Variants in CCAR2 observed in about 807,000 individuals in gnomAD.
CCAR2 encodes cell cycle and apoptosis regulator 2, also known as cell cycle and apoptosis regulator protein 2.
A neutral mutation model predicts 108.1 loss-of-function variants in CCAR2; 21 were observed. The observed-to-expected ratio is 0.19, with a 90% CI of 0.14 to 0.28. CCAR2 has a LOEUF of 0.28. CCAR2 is among the 10% of genes least tolerant of loss of function. The pLI, the probability that CCAR2 is intolerant of heterozygous loss-of-function variation, is 1.00. For missense variants in CCAR2, 1,126 were observed against 1,177.0 expected (o/e 0.96, Z 0.63); for synonymous variants, 577 against 472.8 (o/e 1.22, Z -2.86).
chr8:22,619,266 C>G lies in CCAR2; in HGVS notation c.2638C>G (p.Arg880Gly), dbSNP rs771565165. ...EAEETARTAE[R>G]QKSQLQRLLQ... ...CGAGGAGACCGCCCGGACGGCGGAG[C>G]GACAGAAGAGCCAGCTCCAGCGGCT... is the stretch of plus-strand genomic sequence containing the variant. The change falls in exon 20 of 21, where the codon CGA becomes GGA. Residue 880 changes from arginine to glycine, a missense_variant. Around this residue, in one of 4 missense-constraint regions of CCAR2, gnomAD observed 1,013 missense variants for 993.9 expected, o/e 1.02. Coordinates refer to ENST00000308511, the MANE Select transcript of CCAR2 (RefSeq NM_001393997.1). 6.4e-7 allele frequency: 1 copy of G among 1,564,794 alleles called. No homozygotes were observed. Among genetic ancestry groups the G allele is most frequent in the Non-Finnish European group, 8.7e-7 (1 of 1,155,428 alleles).
Position 22,614,098 on chromosome 8 carries a change from C to T in CCAR2, c.711C>T (p.Ile237=), listed in dbSNP as rs116637032. The T allele has an allele frequency of 8.7e-5, 140 of 1,613,686 alleles. No homozygotes were observed. The African/African-American group carries it at 1.7e-3, about 19-fold the overall frequency. Reference sequence around the variant, plus strand: ...CCTTGCTGTCTTCCTGTAGCCCCATCTGTGACTTCCTAGAACTCCAGCGCC... The same window carrying T: ...CCTTGCTGTCTTCCTGTAGCCCCATTTGTGACTTCCTAGAACTCCAGCGCC... ...HLTPYTVDSP[I]CDFLELQRRY... The change falls in exon 9 of 21, where the codon ATC becomes ATT. Residue 237 remains isoleucine (I), a synonymous_variant. Transcript: ENST00000308511.
Position 22,620,399 on chromosome 8 carries a change from T to G in CCAR2, c.*717T>G, listed in dbSNP as rs1476739699. ...CCATAATCCGTGGTTTCAGTTTGAC[T>G]TTGTATATAAAGTTGGGGTTTTTTT... On this transcript the variant is annotated 3_prime_UTR_variant, in exon 21 of 21. Transcript: ENST00000308511. The G allele has an allele frequency of 6.6e-6, 1 of 151,930 alleles. No homozygotes were observed. Among genetic ancestry groups the G allele is most frequent in the African/African-American group, 2.4e-5 (1 of 41,030 alleles). The allele number at this position is 151,930 out of a possible 1,614,324, so 9.4% of individuals were successfully genotyped here.
At chr8:22,612,816 GCTTAACAGGAATGTTTAT>G in intron 7 of CCAR2, 183 bp from the exon 8 acceptor site, 1 of 563,268 alleles carries the variant, frequency 1.8e-6, no homozygotes, top group Non-Finnish European at 2.9e-6. Flanking sequence ...TGTGCTTTTT[GCTTAACAGGAATGTTTAT>G]TAAAACAGTA....
intron 17 of CCAR2, 32 bp from the exon 18 acceptor site, chr8:22,618,585 G>A (rs772908631): frequency 6.2e-7 from 1 of 1,613,876 alleles, no homozygotes; most frequent in Non-Finnish European, 8.5e-7. Context: ...TCGGGGACGG[G>A]GCCTTCTGAT....
At position 22,617,226 on chromosome 8, in the gene CCAR2, C is replaced by G. The variant is rs147762244; in HGVS notation, c.1846-194C>G. On this transcript the variant is annotated intron_variant, in intron 14 of 20. Coordinates refer to ENST00000308511, the MANE Select transcript of CCAR2 (RefSeq NM_001393997.1). ...AAGATCAACTCCTGAGGAAAAAAGC[C>G]CAGGTGTCTGGCGATGCCCTGGCAT... Among the ~76,000 whole-genome samples, 1,199 of 152,110 alleles carry G rather than the reference C, an allele frequency of 7.9e-3. 8 individuals carry two copies. The highest frequency in any genetic ancestry group is 0.031 in the Middle Eastern group (9 of 294).
chr8:22,606,807 C>G (rs2291233), intron 4 of CCAR2, 103 bp from the exon 5 acceptor site: 16 of 1,481,656 alleles, frequency 1.1e-5, no homozygotes, highest in Non-Finnish European at 1.5e-5. Flanking sequence ...TGTTTTTGTG[C>G]AAGGTGTGGG....
chr8:22,614,622 C>A, intron 10 of CCAR2, 119 bp downstream of exon 10: 1 of 1,068,596 alleles, frequency 9.4e-7, no homozygotes, highest in Non-Finnish European at 1.4e-6. Context: ...AGCCGAACAC[C>A]CCTCATTTCA....
At chr8:22,608,454 G>A (rs1322127699) in intron 7 of CCAR2, among the ~76,000 whole-genome samples, 1 of 152,142 alleles carries the variant, frequency 6.6e-6, no homozygotes, top group African/African-American at 2.4e-5. Flanking sequence ...ATCTGTTCTC[G>A]TTGTTTAAAA....
rs1435672201 is a variant in CCAR2, at chr8:22,620,085, C to CA, written c.*404dup. On this transcript the variant is annotated 3_prime_UTR_variant, in exon 21 of 21. Transcript: ENST00000308511. Reference sequence around the variant, plus strand: ...CAGTGAACGGAACTGAAGAGCAAGACATGGAGCCTGGCTGGGGCTAAGCAG... The same window carrying CA: ...CAGTGAACGGAACTGAAGAGCAAGACAATGGAGCCTGGCTGGGGCTAAGCAG... 5.1e-5 allele frequency: 10 copies of CA among 197,338 alleles called. No homozygotes were observed. The highest frequency in any genetic ancestry group is 1.1e-4 in the Non-Finnish European group (10 of 94,232). The allele number at this position is 197,338 out of a possible 1,614,324, so 12.2% of individuals were successfully genotyped here. A position where few individuals can be genotyped will look rare whatever the true frequency, so the allele number is the denominator to read the frequency against.
In CCAR2 at chr8:22,620,078, A is replaced by C. The variant is rs1212540773; in HGVS notation, c.*396A>C. On this transcript the variant is annotated 3_prime_UTR_variant, in exon 21 of 21. Coordinates refer to ENST00000308511, the MANE Select transcript of CCAR2 (RefSeq NM_001393997.1). Reference sequence around the variant, plus strand: ...CTGATGTCAGTGAACGGAACTGAAGAGCAAGACATGGAGCCTGGCTGGGGC... The same window carrying C: ...CTGATGTCAGTGAACGGAACTGAAGCGCAAGACATGGAGCCTGGCTGGGGC... 1.5e-5 allele frequency: 3 copies of C among 202,700 alleles called. No homozygotes were observed. Among genetic ancestry groups the C allele is most frequent in the Non-Finnish European group, 3.1e-5 (3 of 97,492 alleles). 12.6% of individuals were successfully genotyped at this position (202,700 alleles called of 1,614,324 possible). A position where few individuals can be genotyped will look rare whatever the true frequency, so the allele number is the denominator to read the frequency against.
In CCAR2 at chr8:22,616,014, G is replaced by A. The variant is rs200093296; in HGVS notation, c.1611G>A (p.Val537=). ...GGACCCTCCCACCTCCCCATCAGGT[G>A]ATGGTGCTGGCCGAGCTGTTTCTGG... ...RRPKERISFE[V]MVLAELFLEM... is the part of the protein sequence containing the mutation. The change falls in exon 14 of 21, where the codon GTG becomes GTA. Residue 537 remains valine, a splice_region_variant and synonymous_variant. Coordinates refer to ENST00000308511, the MANE Select transcript of CCAR2 (RefSeq NM_001393997.1). The A allele has an allele frequency of 9.3e-6, 15 of 1,613,948 alleles. No individual in the cohort carries two copies. The highest frequency in any genetic ancestry group is 1.3e-5 in the Non-Finnish European group (15 of 1,180,006).
At chr8:22,618,759 G>A in intron 18 of CCAR2, 31 bp downstream of exon 18, 1 of 1,613,592 alleles carries the variant, frequency 6.2e-7, no homozygotes, top group Non-Finnish European at 8.5e-7. Context: ...GCCTTCCTGG[G>A]GCACGGGCAG....
rs896944717 is a variant in CCAR2, at chr8:22,615,803, C to G, written c.1499C>G (p.Ala500Gly). 3.1e-6 allele frequency: 5 copies of G among 1,613,978 alleles called. No homozygotes were observed. The highest frequency in any genetic ancestry group is 3.4e-6 in the Non-Finnish European group (4 of 1,180,026). The change falls in exon 13 of 21, where the codon GCC becomes GGC. Residue 500 changes from alanine to glycine, a missense_variant. By Grantham distance (60) the Ala-to-Gly change is moderately conservative (BLOSUM62 0). This residue lies in a region of CCAR2 where 1,013 missense variants were observed against 993.9 expected (regional missense o/e 1.02). Coordinates refer to ENST00000308511, the MANE Select transcript of CCAR2 (RefSeq NM_001393997.1). The stretch of plus-strand genomic sequence containing the variant: ...GAAACGGACACTGATCTCCCAGAGG[C>G]CCCTCCACCCCCCCTAGAACCTGCT... ...QQETDTDLPE[A>G]PPPPLEPAVI...
Position 22,619,186 on chromosome 8 carries a change from C to T in CCAR2, c.2558C>T (p.Thr853Ile), listed in dbSNP as rs199665643. 1.3e-6 allele frequency: 2 copies of T among 1,597,282 alleles called. No individual in the cohort carries two copies. The highest frequency in any genetic ancestry group is 1.3e-5 in the African/African-American group (1 of 74,922). ...SHNRFSATEV[T>I]NKTLAAEMQE... The stretch of plus-strand genomic sequence containing the variant: ...AACCGTTTCTCAGCCACTGAAGTAA[C>T]CAATAAGACGCTGGCGGCAGAGATG... The change falls in exon 20 of 21, where the codon ACC becomes ATC. Residue 853 changes from threonine to isoleucine, a missense_variant. By Grantham distance (89) the Thr-to-Ile change is moderately conservative. Coordinates refer to ENST00000308511, the MANE Select transcript of CCAR2 (RefSeq NM_001393997.1).
Position 22,617,578 on chromosome 8 carries a change from TGA to T in CCAR2, c.1990+18_1990+19del, listed in dbSNP as rs752861445. ...AGGAGGAGTTTGGTATGTTGAGTGG[TGA>T]GAGGGGAGCTTGCAGGCTTGGGATG... On this transcript the variant is annotated intron_variant, in intron 15 of 20. Transcript: ENST00000308511. The T allele has an allele frequency of 2.5e-6, 4 of 1,604,036 alleles. No homozygotes were observed. The highest frequency in any genetic ancestry group is 3.4e-6 in the Non-Finnish European group (4 of 1,174,192).
Position 22,619,952 on chromosome 8 carries a change from T to C in CCAR2, c.*270T>C. 1.9e-6 allele frequency: 1 copy of C among 516,004 alleles called. No individual in the cohort carries two copies. The highest frequency in any genetic ancestry group is 3.5e-6 in the Non-Finnish European group (1 of 284,902). 32.0% of individuals were successfully genotyped at this position (516,004 alleles called of 1,614,324 possible). A position where few individuals can be genotyped will look rare whatever the true frequency, so the allele number is the denominator to read the frequency against. ...GTCATTTTGCCCTCAACCTTGGTAT[T>C]TCTCCTGGGGCCCTTTTAGTCTTGT... On this transcript the variant is annotated 3_prime_UTR_variant, in exon 21 of 21. Coordinates refer to ENST00000308511, the MANE Select transcript of CCAR2 (RefSeq NM_001393997.1).
In CCAR2 at chr8:22,619,763, G is replaced by A; in HGVS notation, c.*81G>A. ...GGAGCCCTTGCGGTACCAGAAAGCA[G>A]CGAGAGCGAGACCTGGGAGCCAGGG... On this transcript the variant is annotated 3_prime_UTR_variant, in exon 21 of 21. Coordinates refer to ENST00000308511, the MANE Select transcript of CCAR2 (RefSeq NM_001393997.1). 6.8e-7 allele frequency: 1 copy of A among 1,460,192 alleles called. No individual in the cohort carries two copies. Among genetic ancestry groups the A allele is most frequent in the Admixed American group, 2.0e-5 (1 of 50,846 alleles). The allele number at this position is 1,460,192 out of a possible 1,614,324, so 90.5% of individuals were successfully genotyped here.
intron 11 of CCAR2, 167 bp downstream of exon 11, chr8:22,615,168 G>A (rs780664902): frequency 2.5e-5 from 25 of 1,018,624 alleles, no homozygotes; most frequent in Non-Finnish European, 3.3e-5. Context: ...CCAAAATCTG[G>A]CTGAGCCACC....
intron 10 of CCAR2, 23 bp downstream of exon 10, chr8:22,614,526 A>G (rs750480896): frequency 1.4e-5 from 23 of 1,590,674 alleles, no homozygotes; most frequent in Non-Finnish European, 1.8e-5. Context: ...GAGCAGGAGG[A>G]GATGCATTCA....
Sources: gnomAD v4.1 joint callset for allele counts (sites outside exome capture counted in the v4.1 genomes callset) on GRCh38, gnomAD v4.1.1 for gene constraint, gnomAD v4.1.1 regional missense constraint, MANE v1.5 for transcripts, NCBI Gene and HGNC (gene_info 2026-07-23, HGNC 2026-07-21) for gene names.